The following SUMF1 variants were observed in gnomAD, a reference collection of about 807,000 sequenced individuals.
SUMF1 encodes the protein formylglycine-generating enzyme.
A neutral mutation model predicts 47.6 loss-of-function variants in SUMF1; 48 were observed. The ratio of observed to expected loss-of-function variants is 1.01; its 90% confidence interval spans 0.80 to 1.28. SUMF1 has a LOEUF of 1.28. Among genes scored for constraint, SUMF1 ranks in the 50% most tolerant of loss-of-function variants. The pLI is 0.00. For synonymous variants in SUMF1, 230 were observed against 192.1 expected (o/e 1.20, Z -1.63); for missense variants, 571 against 485.4 (o/e 1.18, Z -1.66).
chr3:4,375,134 CAAAAAAA>C lies in SUMF1; in HGVS notation c.1014+1189_1014+1195del, dbSNP rs376228362. Among the ~76,000 whole-genome samples, 118 of 73,248 alleles carry C rather than the reference CAAAAAAA, an allele frequency of 1.6e-3. 1 individual carries two copies. The East Asian group carries it at 0.039, about 24-fold the overall frequency. The allele number at this position is 73,248 out of a possible 152,430, so 48.1% of individuals were successfully genotyped here. The stretch of plus-strand genomic sequence containing the variant: ...CTGGGTGAAGAGTGAGACTCTGTCT[CAAAAAAA>C]AAAAAAAAAAAAAAAAAAGATTTCA... On this transcript the variant is annotated intron_variant, in intron 8 of 8. Coordinates refer to ENST00000272902, the MANE Select transcript of SUMF1 (RefSeq NM_182760.4).
chr3:4,126,036 T>C (rs1363035635), intron 8 of SUMF1, among the ~76,000 whole-genome samples: 2 of 151,896 alleles, frequency 1.3e-5, no homozygotes, highest in Non-Finnish European at 2.9e-5. Context: ...ATGCACAAAC[T>C]ATCCCTAGAA....
chr3:4,437,005 A>C (rs767527129), intron 3 of SUMF1, among the ~76,000 whole-genome samples: 3 of 152,242 alleles, frequency 2.0e-5, no homozygotes, highest in Non-Finnish European at 4.4e-5. Flanking sequence ...TTACTTAGTG[A>C]AAGTATCTTT....
At chr3:4,068,638 T>C in exon 9 of SUMF1, 1 of 447,318 alleles carries the variant, frequency 2.2e-6, no homozygotes, top group Non-Finnish European at 4.5e-6. Context: ...GCCTACGTAT[T>C]GAGCAGCATG....
intron 9 of SUMF1, among the ~76,000 whole-genome samples, chr3:4,037,924 T>C (rs191278758): frequency 1.3e-5 from 2 of 152,110 alleles, no homozygotes; most frequent in Non-Finnish European, 2.9e-5. Flanking sequence ...CGGGTTATGT[T>C]ATTGAGGTAT....
chr3:4,360,015 C>T (rs1699707291), downstream of SUMF1, among the ~76,000 whole-genome samples: 1 of 152,096 alleles, frequency 6.6e-6, no homozygotes, highest in African/African-American at 2.4e-5. Context: ...ACACCCAAAA[C>T]ACCAAAAATA....
chr3:4,393,266 C>T (rs948680749), intron 7 of SUMF1, among the ~76,000 whole-genome samples: 2 of 152,128 alleles, frequency 1.3e-5, no homozygotes, highest in African/African-American at 4.8e-5. Flanking sequence ...CATCCTCCAC[C>T]CTGAATCAAG....
chr3:4,268,840 G>GA (rs988250787), intron 8 of SUMF1, among the ~76,000 whole-genome samples: 8 of 151,512 alleles, frequency 5.3e-5, no homozygotes, highest in South Asian at 2.1e-4. Flanking sequence ...TCACAGGACA[G>GA]AAAAAAAATA....
chr3:4,187,889 C>CTTAA (rs1695235297), intron 8 of SUMF1, among the ~76,000 whole-genome samples: 1 of 152,264 alleles, frequency 6.6e-6, no homozygotes, highest in East Asian at 1.9e-4. Context: ...ACACCCGGAC[C>CTTAA]TTAACATGCA....
At chr3:4,396,612 G>T (rs1048376880) in intron 7 of SUMF1, among the ~76,000 whole-genome samples, 3 of 152,088 alleles carry the variant, frequency 2.0e-5, no homozygotes, top group South Asian at 4.2e-4. Context: ...GTGGACACAT[G>T]TCCAAATCCT....
At chr3:4,153,306 G>C (rs1044281346) in intron 8 of SUMF1, among the ~76,000 whole-genome samples, 17 of 151,452 alleles carry the variant, frequency 1.1e-4, no homozygotes, top group African/African-American at 4.2e-4. Flanking sequence ...CGAACTCCTG[G>C]AATCAGCAAT....
intron 8 of SUMF1, among the ~76,000 whole-genome samples, chr3:4,350,175 A>G (rs1699463486): frequency 6.6e-6 from 1 of 150,802 alleles, no homozygotes; most frequent in African/African-American, 2.4e-5. Context: ...TAATTTTTGT[A>G]TTTTTTTTAG....
chr3:4,183,198 A>G (rs1003732646), intron 8 of SUMF1, among the ~76,000 whole-genome samples: 7 of 152,200 alleles, frequency 4.6e-5, no homozygotes, highest in African/African-American at 1.7e-4. Context: ...ATTTACTACA[A>G]TTCCATTGTA....
At chr3:4,433,806 C>T (rs577262002) in intron 3 of SUMF1, among the ~76,000 whole-genome samples, 5 of 152,278 alleles carry the variant, frequency 3.3e-5, no homozygotes, top group Admixed American at 2.6e-4. Context: ...AGCCAGAAAG[C>T]AAATTGTCAC....
At chr3:4,323,227 A>G (rs1161845902) in intron 8 of SUMF1, among the ~76,000 whole-genome samples, 2 of 152,092 alleles carry the variant, frequency 1.3e-5, no homozygotes, top group South Asian at 2.1e-4. Context: ...AATACCAAAA[A>G]ATGCCCTTGA....
intron 7 of SUMF1, among the ~76,000 whole-genome samples, chr3:4,380,463 A>G (rs1050513791): frequency 6.6e-6 from 1 of 152,320 alleles, no homozygotes; most frequent in Middle Eastern, 3.4e-3. Flanking sequence ...CTGAAAAACT[A>G]CATACTGAAT....
At chr3:4,041,640 A>G (rs1361445653) in intron 9 of SUMF1, among the ~76,000 whole-genome samples, 1 of 152,164 alleles carries the variant, frequency 6.6e-6, no homozygotes, top group Non-Finnish European at 1.5e-5. Flanking sequence ...ACTTGCCCCC[A>G]TTAGTAGCAT....
chr3:4,450,267 G>A (rs986779515), intron 2 of SUMF1, among the ~76,000 whole-genome samples: 5 of 152,256 alleles, frequency 3.3e-5, no homozygotes. Flanking sequence ...ATCGATTCTT[G>A]TTGATGGACA....
At chr3:4,046,992 C>G (rs1236305387) in intron 9 of SUMF1, among the ~76,000 whole-genome samples, 1 of 152,078 alleles carries the variant, frequency 6.6e-6, no homozygotes, top group Non-Finnish European at 1.5e-5. Flanking sequence ...ACCACTAACA[C>G]CCTAGCTCAC....
chr3:4,418,275 T>C, intron 4 of SUMF1, 143 bp from the exon 5 acceptor site: 1 of 1,264,632 alleles, frequency 7.9e-7, no homozygotes, highest in Non-Finnish European at 1.1e-6. Flanking sequence ...ACCCCAGCCA[T>C]GCTACATCTG....
Sources: allele counts gnomAD v4.1 joint callset (sites outside exome capture counted in the v4.1 genomes callset), GRCh38; gene constraint gnomAD v4.1.1; transcripts MANE v1.5; gene names NCBI Gene and HGNC (gene_info 2026-07-23, HGNC 2026-07-21).